The following ADAMTSL3 variants were observed in gnomAD, a reference collection of about 807,000 sequenced individuals.
ADAMTSL3 encodes the protein ADAMTS-like protein 3.
Under a neutral mutation model 201.7 loss-of-function variants are expected in ADAMTSL3, and 128 were observed. The ratio of observed to expected loss-of-function variants is 0.63; its 90% CI spans 0.55 to 0.73. The LOEUF (loss-of-function observed/expected upper bound fraction) is 0.73. ADAMTSL3 is among the 30% of genes least tolerant of loss of function. The pLI is 0.00. For synonymous variants in ADAMTSL3, 738 were observed against 748.4 expected (o/e 0.99, Z 0.23); for missense variants, 1,990 against 2,119.6 (o/e 0.94, Z 1.20).
chr15:83,681,618 G>A lies in ADAMTSL3; in HGVS notation c.70-22771G>A, dbSNP rs148046243. Among the ~76,000 whole-genome samples the A allele has an allele frequency of 9.8e-5, 15 of 152,350 alleles. No individual in the cohort carries two copies. The East Asian group carries it at 2.9e-3, about 29-fold the overall frequency. On this transcript the variant is annotated intron_variant, in intron 2 of 29. Transcript: ENST00000286744. The stretch of plus-strand genomic sequence containing the variant: ...ACATTTCTCTGATTGGTTAGTGCCT[G>A]TGGATTAAATAGTTTGAATAGCACT...
Position 83,988,781 on chromosome 15 carries a change from T to G in ADAMTSL3, c.3807T>G (p.Leu1269=). The part of the protein sequence containing the change: ...GIYECSVANH[L]GSDVESSSVL... ...ATGAATGTTCTGTAGCTAATCATCT[T>G]GGTTCAGATGTGGAAAGTTCTTCTG... is the stretch of plus-strand genomic sequence containing the variant. Residue 1269 remains leucine, a synonymous_variant, in exon 22 of 30, where the codon CTT becomes CTG. Transcript: ENST00000286744. 6.2e-7 allele frequency: 1 copy of G among 1,605,984 alleles called. No individual in the cohort carries two copies. The highest frequency in any genetic ancestry group is 8.5e-7 in the Non-Finnish European group (1 of 1,175,182).
At chr15:83,887,612 TCTC>T (rs2065421542) in intron 10 of ADAMTSL3, among the ~76,000 whole-genome samples, 1 of 152,148 alleles carries the variant, frequency 6.6e-6, no homozygotes, top group African/African-American at 2.4e-5. Flanking sequence ...CATTTCTCTC[TCTC>T]CTTTTTGTTT....
At chr15:84,017,158 C>G (rs1306560216) in intron 25 of ADAMTSL3, among the ~76,000 whole-genome samples, 1 of 152,180 alleles carries the variant, frequency 6.6e-6, no homozygotes, top group African/African-American at 2.4e-5. Context: ...CGCTCTGCCT[C>G]CCAGGCTGGA....
chr15:83,840,075 T>G (rs1417126805), intron 7 of ADAMTSL3, among the ~76,000 whole-genome samples: 3 of 152,046 alleles, frequency 2.0e-5, no homozygotes, highest in Non-Finnish European at 4.4e-5. Context: ...AAAGAGAGTA[T>G]GTAGAATATA....
intron 16 of ADAMTSL3, among the ~76,000 whole-genome samples, chr15:83,915,228 T>C (rs918976910): frequency 6.6e-6 from 1 of 152,202 alleles, no homozygotes; most frequent in African/African-American, 2.4e-5. Context: ...GTTGGTAGAA[T>C]CCCTGTTTCA....
intron 4 of ADAMTSL3, among the ~76,000 whole-genome samples, chr15:83,787,598 G>A (rs181226220): frequency 9.3e-4 from 141 of 152,140 alleles, no homozygotes; most frequent in Non-Finnish European, 2.4e-4. Context: ...AAAAACAACA[G>A]CCTCTTGATT....
At chr15:83,971,603 G>C (rs2067198308) in intron 20 of ADAMTSL3, among the ~76,000 whole-genome samples, 1 of 149,052 alleles carries the variant, frequency 6.7e-6, no homozygotes, top group Non-Finnish European at 1.5e-5. Context: ...AGAGTTGTGT[G>C]TTAAAACATG....
chr15:84,019,482 T>G (rs1308913034), intron 25 of ADAMTSL3, among the ~76,000 whole-genome samples: 1 of 152,130 alleles, frequency 6.6e-6, no homozygotes, highest in Non-Finnish European at 1.5e-5. Context: ...GGAGAATAGA[T>G]TAAAAACTAT....
At chr15:83,787,947 A>T (rs1289233277) in intron 4 of ADAMTSL3, among the ~76,000 whole-genome samples, 3 of 152,088 alleles carry the variant, frequency 2.0e-5, no homozygotes, top group Non-Finnish European at 4.4e-5. Flanking sequence ...AAGGCATATT[A>T]TTATTAATGC....
At chr15:83,885,059 C>A (rs755050049) in intron 9 of ADAMTSL3, 42 bp from the exon 10 acceptor site, 9 of 1,362,632 alleles carry the variant, frequency 6.6e-6, no homozygotes, top group Non-Finnish European at 9.4e-6. Context: ...AAAGCACTAG[C>A]TCCTTGTTTG....
At chr15:83,708,593 GC>G (rs1215404284) in intron 3 of ADAMTSL3, among the ~76,000 whole-genome samples, 1 of 152,202 alleles carries the variant, frequency 6.6e-6, no homozygotes. Context: ...GCCTGGTCTT[GC>G]TTCTACCACT....
At chr15:83,673,716 C>T (rs1393089739) in intron 2 of ADAMTSL3, among the ~76,000 whole-genome samples, 1 of 152,218 alleles carries the variant, frequency 6.6e-6, no homozygotes, top group Admixed American at 6.5e-5. Context: ...TACTCACTGA[C>T]CTCAGAGCTC....
At chr15:83,930,752 A>T (rs2066340361) in intron 17 of ADAMTSL3, among the ~76,000 whole-genome samples, 1 of 152,230 alleles carries the variant, frequency 6.6e-6, no homozygotes, top group Non-Finnish European at 1.5e-5. Context: ...TTATATTGGA[A>T]AAAAACCAGC....
intron 6 of ADAMTSL3, among the ~76,000 whole-genome samples, chr15:83,822,496 A>G (rs1352754220): frequency 1.7e-3 from 192 of 112,562 alleles, no homozygotes; most frequent in African/African-American, 7.5e-3. Flanking sequence ...CCGGGCAGAG[A>G]CGCTCCTCAC....
intron 1 of ADAMTSL3, 40 bp from the exon 2 acceptor site, chr15:83,655,689 G>T: frequency 1.4e-6 from 2 of 1,457,420 alleles, no homozygotes; most frequent in Admixed American, 3.5e-5. Flanking sequence ...TGCCATGGGG[G>T]CCAGAGCTGG....
At chr15:83,804,539 A>G (rs2063573046) in intron 4 of ADAMTSL3, 111 bp from the exon 5 acceptor site, 1 of 724,672 alleles carries the variant, frequency 1.4e-6, no homozygotes, top group Non-Finnish European at 2.2e-6. Context: ...GTGCACTAGT[A>G]AAAGTTTTAC....
intron 19 of ADAMTSL3, among the ~76,000 whole-genome samples, chr15:83,969,973 C>T (rs901914341): frequency 6.6e-6 from 1 of 152,112 alleles, no homozygotes; most frequent in African/African-American, 2.4e-5. Context: ...TCTGTTACTC[C>T]GATTGTGGTA....
intron 16 of ADAMTSL3, 53 bp from the exon 17 acceptor site, chr15:83,923,851 C>G: frequency 6.2e-7 from 1 of 1,600,028 alleles, no homozygotes; most frequent in East Asian, 2.2e-5. Context: ...TTTCTTTTTT[C>G]CACAATAAAT....
intron 22 of ADAMTSL3, among the ~76,000 whole-genome samples, chr15:83,989,466 A>G (rs2067545412): frequency 6.6e-6 from 1 of 152,192 alleles, no homozygotes; most frequent in South Asian, 2.1e-4. Flanking sequence ...GATATTAATG[A>G]ACTTTGCATT....
Sources: gnomAD v4.1 joint callset for allele counts (sites outside exome capture counted in the v4.1 genomes callset) on GRCh38, gnomAD v4.1.1 for gene constraint, MANE v1.5 for transcripts, NCBI Gene and HGNC (gene_info 2026-07-23, HGNC 2026-07-21) for gene names.